The following RNF170 variants were observed in gnomAD, a reference collection of about 807,000 sequenced individuals.
RNF170 encodes the protein E3 ubiquitin-protein ligase RNF170.
Under a neutral mutation model 32.7 loss-of-function variants are expected in RNF170, and 12 were observed. The ratio of observed to expected loss-of-function variants is 0.37; its 90% CI spans 0.24 to 0.60. The LOEUF (loss-of-function observed/expected upper bound fraction) is 0.60. RNF170 is among the 20% of genes least tolerant of loss of function. The probability of loss-of-function intolerance (pLI) is 0.72; values close to 1 mark genes in which losing one functional copy is unlikely to be tolerated. For synonymous variants in RNF170, 91 were observed against 103.6 expected, an observed-to-expected ratio of 0.88 and a Z score of 0.74; for missense variants, 212 against 311.2, an observed-to-expected ratio of 0.68 and a Z score of 2.40.
upstream of RNF170, chr8:42,897,090 G>A (rs1251682672): frequency 8.1e-6 from 10 of 1,237,652 alleles, no homozygotes; most frequent in East Asian, 2.8e-4. Flanking sequence ...CGGCGGCGGT[G>A]TCTGGCCAGG....
intron 2 of RNF170, among the ~76,000 whole-genome samples, chr8:42,886,508 C>G (rs1221327623): frequency 6.7e-6 from 1 of 149,428 alleles, no homozygotes; most frequent in African/African-American, 2.6e-5. Context: ...TCACTGCAAC[C>G]TCTGCCTCCC....
chr8:42,851,513 C>T (rs558058336), downstream of RNF170, among the ~76,000 whole-genome samples: 17 of 149,040 alleles, frequency 1.1e-4, no homozygotes, highest in Non-Finnish European at 2.5e-4. Context: ...TGCAGTGAGC[C>T]GAGATTGTGC....
chr8:42,886,018 T>C (rs1475392693), intron 2 of RNF170, among the ~76,000 whole-genome samples: 1 of 151,700 alleles, frequency 6.6e-6, no homozygotes, highest in African/African-American at 2.4e-5. Context: ...AGGTCAGGAG[T>C]TCGAGACCAT....
intron 3 of RNF170, among the ~76,000 whole-genome samples, chr8:42,872,652 AG>A (rs1234155794): frequency 6.6e-6 from 1 of 152,026 alleles, no homozygotes; most frequent in Non-Finnish European, 1.5e-5. Flanking sequence ...CATATTGGCC[AG>A]GATGGTCTTG....
intron 2 of RNF170, among the ~76,000 whole-genome samples, chr8:42,879,531 G>C (rs1010195300): frequency 1.3e-5 from 2 of 152,010 alleles, no homozygotes; most frequent in African/African-American, 4.8e-5. Flanking sequence ...CGTGCCTGTA[G>C]TCCCAGTTAC....
rs192447408 is a variant in RNF170 at position 42,881,968 on chromosome 8, G to C, written c.137+5760C>G. Among the ~76,000 whole-genome samples, 7 of 152,252 alleles carry C rather than the reference G, an allele frequency of 4.6e-5. No homozygotes were observed. In the South Asian group the frequency reaches 1.2e-3, roughly 27 times the overall value. Reference sequence around the variant, plus strand: ...ACCTCAAAAACCAGATAGACGAATGGCCACTAACCATGTGAAGTGATGCTG... The same window carrying C: ...ACCTCAAAAACCAGATAGACGAATGCCCACTAACCATGTGAAGTGATGCTG... On this transcript the variant is annotated intron_variant, in intron 2 of 6. Transcript: ENST00000527424.
At chr8:42,858,212 G>A (rs117514921) in intron 6 of RNF170, among the ~76,000 whole-genome samples, 4,053 of 151,796 alleles carry the variant, frequency 0.027, 79 homozygotes, top group African/African-American at 0.05. Flanking sequence ...TAATTATGGA[G>A]GACAACATGA....
chr8:42,888,609 A>C (rs1270365852), intron 1 of RNF170, among the ~76,000 whole-genome samples: 1 of 151,834 alleles, frequency 6.6e-6, no homozygotes, highest in Non-Finnish European at 1.5e-5. Context: ...CTAAAAATAC[A>C]AAATTTAGCC....
intron 6 of RNF170, among the ~76,000 whole-genome samples, chr8:42,858,857 G>A (rs770795399): frequency 4.5e-4 from 68 of 152,250 alleles, no homozygotes; most frequent in African/African-American, 1.4e-3. Context: ...ATCATGTGGC[G>A]CCCTGTAAGC....
At chr8:42,877,814 G>A (rs1040090937) in intron 2 of RNF170, among the ~76,000 whole-genome samples, 35 of 152,118 alleles carry the variant, frequency 2.3e-4, no homozygotes, top group Admixed American at 2.2e-3. Flanking sequence ...ATATCAAAGG[G>A]CACTTAAGAG....
At chr8:42,881,686 G>A (rs923900237) in intron 2 of RNF170, among the ~76,000 whole-genome samples, 2 of 152,160 alleles carry the variant, frequency 1.3e-5, no homozygotes, top group East Asian at 1.9e-4. Flanking sequence ...TGTAACTTCC[G>A]CACTTTGGGA....
intron 3 of RNF170, among the ~76,000 whole-genome samples, chr8:42,873,217 C>T (rs1334281929): frequency 1.3e-5 from 2 of 150,042 alleles, no homozygotes; most frequent in Non-Finnish European, 2.9e-5. Context: ...TTTGTGAGGC[C>T]GAGGTGAGAG....
intron 1 of RNF170, chr8:42,889,438 T>C (rs1331264526): frequency 6.6e-6 from 1 of 152,166 alleles, no homozygotes; most frequent in Admixed American, 6.5e-5. Flanking sequence ...AAGGAATATA[T>C]ATTCAATTAA....
intron 2 of RNF170, among the ~76,000 whole-genome samples, chr8:42,886,625 CCAT>C (rs925358985): frequency 5.3e-5 from 8 of 152,130 alleles, no homozygotes; most frequent in African/African-American, 9.7e-5. Flanking sequence ...GAGGGTTTCA[CCAT>C]GTTGGCCAGG....
At chr8:42,878,504 A>T (rs1805132562) in intron 2 of RNF170, among the ~76,000 whole-genome samples, 1 of 152,254 alleles carries the variant, frequency 6.6e-6, no homozygotes, top group Non-Finnish European at 1.5e-5. Context: ...AGCCTAATTC[A>T]GAGCAAGTCC....
rs1447383834 is a variant in RNF170 at position 42,855,130 on chromosome 8, T to G, written c.*1029A>C. On this transcript the variant is annotated 3_prime_UTR_variant, in exon 7 of 7. Transcript: ENST00000527424. ...CCAGGTTCCTAAAACAATCTTCCCT[T>G]TACAAATTACTTTTATATCTACTAC... 2 of 1,287,072 alleles carry G rather than the reference T, an allele frequency of 1.6e-6. No homozygotes were observed. The highest frequency in any genetic ancestry group is 3.0e-5 in the African/African-American group (2 of 65,780). 79.7% of individuals were successfully genotyped at this position (1,287,072 alleles called of 1,614,324 possible). A position where few individuals can be genotyped will look rare whatever the true frequency, so the allele number is the denominator to read the frequency against.
chr8:42,894,521 A>G (rs1034683830), intron 1 of RNF170, among the ~76,000 whole-genome samples: 12 of 152,184 alleles, frequency 7.9e-5, no homozygotes, highest in Non-Finnish European at 1.5e-4. Context: ...ACAAATATCC[A>G]GAGGCACCAA....
intron 4 of RNF170, among the ~76,000 whole-genome samples, chr8:42,866,172 G>C (rs1804063712): frequency 6.6e-6 from 1 of 152,036 alleles, no homozygotes; most frequent in African/African-American, 2.4e-5. Context: ...TTCTAAATTT[G>C]ATATGTTACA....
chr8:42,867,443 C>A (rs1489058705), intron 4 of RNF170, among the ~76,000 whole-genome samples: 8 of 130,596 alleles, frequency 6.1e-5, no homozygotes, highest in African/African-American at 2.5e-4. Context: ...TGCACTCCAG[C>A]CTGGGCAATA....
Sources: gnomAD v4.1 joint callset for allele counts (sites outside exome capture counted in the v4.1 genomes callset) on GRCh38, gnomAD v4.1.1 for gene constraint, MANE v1.5 for transcripts, NCBI Gene and HGNC (gene_info 2026-07-23, HGNC 2026-07-21) for gene names.